PBX1: variants seen among roughly 807,000 people sequenced by gnomAD.
PBX1 encodes the protein PBX homeobox 1, also known as pre-B-cell leukemia transcription factor 1.
In PBX1, 6 loss-of-function variants were observed where a neutral mutation model predicts 53.4. The ratio of observed to expected loss-of-function variants is 0.11; its 90% CI spans 0.06 to 0.22. PBX1 has a LOEUF of 0.22. Among genes scored for constraint, PBX1 ranks in the 10% least tolerant of loss-of-function variants. PBX1 has a pLI of 1.00. For missense variants in PBX1, 251 were observed against 551.4 expected, an observed-to-expected ratio of 0.46 and a Z score of 5.46; for synonymous variants, 204 against 212.3, an observed-to-expected ratio of 0.96 and a Z score of 0.34.
At chr1:164,602,023 T>C (rs2101802743) in intron 2 of PBX1, among the ~76,000 whole-genome samples, 1 of 152,288 alleles carries the variant, frequency 6.6e-6, no homozygotes, top group South Asian at 2.1e-4. Flanking sequence ...ATAAAGTTGT[T>C]AGTTAAAAGG....
chr1:164,763,291 A>G (rs1666902324), intron 2 of PBX1, among the ~76,000 whole-genome samples: 1 of 152,200 alleles, frequency 6.6e-6, no homozygotes, highest in South Asian at 2.1e-4. Flanking sequence ...ATCCTGTGTC[A>G]TCCTCGTGAT....
intron 2 of PBX1, chr1:164,683,652 C>G (rs1174512747): frequency 6.6e-6 from 1 of 152,082 alleles, no homozygotes; most frequent in Non-Finnish European, 1.5e-5. Flanking sequence ...TAATGCGGAC[C>G]CATCTTAGAA....
chr1:164,706,032 A>G (rs1663403664), intron 2 of PBX1, among the ~76,000 whole-genome samples: 1 of 152,206 alleles, frequency 6.6e-6, no homozygotes, highest in Non-Finnish European at 1.5e-5. Flanking sequence ...TTGATTGCTG[A>G]GTTTTGGAAT....
intron 2 of PBX1, among the ~76,000 whole-genome samples, chr1:164,652,452 G>A (rs1659889891): frequency 6.6e-6 from 1 of 152,032 alleles, no homozygotes; most frequent in Admixed American, 6.5e-5. Flanking sequence ...TATATTTGGG[G>A]CATTTTGTTG....
chr1:164,689,579 C>G (rs147486700), intron 2 of PBX1, among the ~76,000 whole-genome samples: 1 of 152,290 alleles, frequency 6.6e-6, no homozygotes, highest in African/African-American at 2.4e-5. Flanking sequence ...TTTCCTGGGA[C>G]ATGGGTTGGC....
At chr1:164,796,463 A>T (rs1160159138) in intron 3 of PBX1, among the ~76,000 whole-genome samples, 3 of 152,184 alleles carry the variant, frequency 2.0e-5, no homozygotes, top group Non-Finnish European at 4.4e-5. Context: ...AATCAACAGG[A>T]CTAAATCTCT....
At chr1:164,663,177 C>CCTTCCTTCCTGT (rs1358932490) in intron 2 of PBX1, among the ~76,000 whole-genome samples, 1 of 149,842 alleles carries the variant, frequency 6.7e-6, no homozygotes, top group Non-Finnish European at 1.5e-5. Context: ...TTCCTTCCTG[C>CCTTCCTTCCTGT]CTTCCTTCCT....
chr1:164,860,297 C>T (rs976183703), intron 2 of PBX1, among the ~76,000 whole-genome samples: 1 of 152,138 alleles, frequency 6.6e-6, no homozygotes, highest in Admixed American at 6.5e-5. Flanking sequence ...TGCATGATCA[C>T]TTAGATGAGT....
chr1:164,717,326 G>T (rs912922945), intron 2 of PBX1, among the ~76,000 whole-genome samples: 3 of 152,060 alleles, frequency 2.0e-5, no homozygotes, highest in African/African-American at 7.2e-5. Flanking sequence ...ACTTTTATTT[G>T]CCTGTGGTGT....
intron 4 of PBX1, among the ~76,000 whole-genome samples, chr1:164,803,505 T>A (rs1669187904): frequency 6.6e-6 from 1 of 152,178 alleles, no homozygotes; most frequent in Admixed American, 6.5e-5. Context: ...CTTTGAGGAA[T>A]TTGCTGTTTA....
chr1:164,870,267 T>TTCCTTCCTTCCTTCCTTCCC (rs1672330352), intron 2 of PBX1, among the ~76,000 whole-genome samples: 1 of 18,738 alleles, frequency 5.3e-5, no homozygotes, highest in Admixed American at 8.8e-4. Context: ...CCTTCCTTCC[T>TTCCTTCCTTCCTTCCTTCCC]TCTTTCTTTC....
intron 2 of PBX1, among the ~76,000 whole-genome samples, chr1:164,681,550 C>G (rs1446009499): frequency 6.6e-6 from 1 of 152,126 alleles, no homozygotes. Context: ...GATTGTCAGG[C>G]CTAGATGCCT....
intron 2 of PBX1, among the ~76,000 whole-genome samples, chr1:164,567,689 C>A (rs1363178212): frequency 6.6e-6 from 1 of 152,102 alleles, no homozygotes; most frequent in Non-Finnish European, 1.5e-5. Flanking sequence ...TTTTTAGTCA[C>A]TTTTGTGTAT....
intron 2 of PBX1, among the ~76,000 whole-genome samples, chr1:164,878,732 A>G (rs2102463076): frequency 6.6e-6 from 1 of 152,354 alleles, no homozygotes; most frequent in East Asian, 1.9e-4. Context: ...AAGTTAGAGA[A>G]ATGGGTAAAA....
At chr1:164,694,469 G>A (rs1015382428) in intron 2 of PBX1, among the ~76,000 whole-genome samples, 1 of 152,110 alleles carries the variant, frequency 6.6e-6, no homozygotes, top group African/African-American at 2.4e-5. Context: ...TATCCAGTAA[G>A]TATTTATTGA....
In PBX1 at chr1:164,627,888, G is replaced by T. The variant is rs573532316; in HGVS notation, c.265+64577G>T. Among the ~76,000 whole-genome samples, 4 of 152,264 alleles carry T rather than the reference G, an allele frequency of 2.6e-5. No homozygotes were observed. In the East Asian group the frequency reaches 7.7e-4, roughly 29 times the overall value. On this transcript the variant is annotated intron_variant, in intron 2 of 8. Coordinates refer to ENST00000420696, the MANE Select transcript of PBX1 (RefSeq NM_002585.4). ...CACTGTGTTAGAGAAGAAGGCCCCT[G>T]AATTTACCCAAGCTGGTTCTCTGCT...
At chr1:164,623,650 C>T (rs1657840362) in intron 2 of PBX1, among the ~76,000 whole-genome samples, 1 of 152,164 alleles carries the variant, frequency 6.6e-6, no homozygotes, top group Admixed American at 6.5e-5. Flanking sequence ...CTTTGTCTCT[C>T]TGTGTCTCTG....
intron 2 of PBX1, among the ~76,000 whole-genome samples, chr1:164,698,798 A>G (rs947958806): frequency 2.6e-5 from 4 of 152,196 alleles, no homozygotes; most frequent in African/African-American, 7.2e-5. Context: ...ACTAACTGAG[A>G]CACTCTCCTA....
At chr1:164,876,973 T>A (rs890940713) in intron 2 of PBX1, among the ~76,000 whole-genome samples, 3 of 152,190 alleles carry the variant, frequency 2.0e-5, no homozygotes, top group African/African-American at 7.2e-5. Flanking sequence ...AGCCCTTTCT[T>A]TCACCTTAAC....
Sources: allele counts gnomAD v4.1 joint callset (sites outside exome capture counted in the v4.1 genomes callset), GRCh38; gene constraint gnomAD v4.1.1; transcripts MANE v1.5; gene names NCBI Gene and HGNC (gene_info 2026-07-23, HGNC 2026-07-21).